Variants in CTNNA2 observed in about 807,000 individuals in gnomAD.
The protein encoded by CTNNA2 is catenin alpha-2.
A neutral mutation model predicts 101.0 loss-of-function variants in CTNNA2; 42 were observed. The observed-to-expected ratio is 0.42, with a 90% CI of 0.32 to 0.54. CTNNA2 has a LOEUF of 0.54. Ranked by LOEUF, CTNNA2 falls within the 20% of genes least tolerant of loss-of-function variation. The pLI, the probability that CTNNA2 is intolerant of heterozygous loss-of-function variation, is 0.14. For synonymous variants in CTNNA2, 450 were observed against 456.4 expected, an observed-to-expected ratio of 0.99 and a Z score of 0.18; for missense variants, 871 against 1,223.1, an observed-to-expected ratio of 0.71 and a Z score of 4.29.
intron 2 of CTNNA2, among the ~76,000 whole-genome samples, chr2:79,716,676 A>G (rs1488022927): frequency 6.6e-6 from 1 of 152,172 alleles, no homozygotes; most frequent in African/African-American, 2.4e-5. Context: ...AGGGAGCTCC[A>G]GGAGGGGTGT....
intron 2 of CTNNA2, among the ~76,000 whole-genome samples, chr2:79,272,208 A>T (rs78327825): frequency 0.016 from 2,398 of 152,048 alleles, 46 homozygotes; most frequent in East Asian, 0.061. Context: ...AAAATACAAC[A>T]CATTTGGCGG....
chr2:79,886,451 A>G (rs1558612954), intron 6 of CTNNA2, among the ~76,000 whole-genome samples: 1 of 151,944 alleles, frequency 6.6e-6, no homozygotes. Context: ...GTTACTGGTG[A>G]TCTAAAGAAG....
intron 6 of CTNNA2, among the ~76,000 whole-genome samples, chr2:79,881,448 T>C (rs1683417992): frequency 6.6e-6 from 1 of 152,030 alleles, no homozygotes; most frequent in Non-Finnish European, 1.5e-5. Flanking sequence ...AGAGACCTAT[T>C]AGTTTCTTTG....
chr2:79,416,810 C>G (rs1448883494), intron 4 of CTNNA2, among the ~76,000 whole-genome samples: 1 of 152,014 alleles, frequency 6.6e-6, no homozygotes, highest in African/African-American at 2.4e-5. Context: ...TTAGGCAGCT[C>G]AATTCCTCTT....
chr2:79,885,390 G>C (rs1357198242), intron 6 of CTNNA2, among the ~76,000 whole-genome samples: 1 of 152,118 alleles, frequency 6.6e-6, no homozygotes, highest in African/African-American at 2.4e-5. Context: ...TGTAAGCTCT[G>C]GTCCCTTAAG....
At chr2:80,613,103 G>T (rs1698597372) in intron 17 of CTNNA2, 1 of 151,382 alleles carries the variant, frequency 6.6e-6, no homozygotes, top group African/African-American at 2.4e-5. Flanking sequence ...AGAGTAAATG[G>T]CAGTAGTTCT....
intron 3 of CTNNA2, among the ~76,000 whole-genome samples, chr2:79,343,401 G>A (rs1263909516): frequency 6.6e-6 from 1 of 152,184 alleles, no homozygotes; most frequent in Non-Finnish European, 1.5e-5. Flanking sequence ...GAGCAATTCT[G>A]TAGGCTAGAC....
chr2:79,529,383 G>A (rs971823378), intron 1 of CTNNA2, among the ~76,000 whole-genome samples: 5 of 152,052 alleles, frequency 3.3e-5, no homozygotes, highest in Non-Finnish European at 7.3e-5. Context: ...TGTTGATGAT[G>A]TAAAATATGA....
At chr2:79,973,289 A>G (rs942239949) in intron 7 of CTNNA2, among the ~76,000 whole-genome samples, 4 of 152,294 alleles carry the variant, frequency 2.6e-5, no homozygotes, top group Middle Eastern at 3.4e-3. Context: ...AAAGCAGGGT[A>G]GGCATGCAGG....
intron 4 of CTNNA2, among the ~76,000 whole-genome samples, chr2:79,435,947 T>C (rs1454863587): frequency 6.6e-6 from 1 of 152,164 alleles, no homozygotes; most frequent in Non-Finnish European, 1.5e-5. Flanking sequence ...AGGGAGGGGA[T>C]GCAGCTGGAC....
chr2:79,575,688 A>G (rs539037108), intron 1 of CTNNA2: 1 of 152,284 alleles, frequency 6.6e-6, no homozygotes, highest in South Asian at 2.1e-4. Context: ...ACATCGCAAT[A>G]CTCATCACAA....
At chr2:80,436,749 G>C (rs1224263129) in intron 9 of CTNNA2, among the ~76,000 whole-genome samples, 5 of 152,088 alleles carry the variant, frequency 3.3e-5, no homozygotes, top group Admixed American at 3.3e-4. Flanking sequence ...TCATATGATG[G>C]AAGAGGCAAA....
intron 2 of CTNNA2, among the ~76,000 whole-genome samples, chr2:79,222,670 C>T (rs1339144361): frequency 6.6e-6 from 1 of 152,010 alleles, no homozygotes; most frequent in Non-Finnish European, 1.5e-5. Flanking sequence ...TCTTTTCTTC[C>T]TGTCTTCCTT....
At chr2:79,206,463 T>A (rs1674101836) in intron 2 of CTNNA2, among the ~76,000 whole-genome samples, 1 of 152,200 alleles carries the variant, frequency 6.6e-6, no homozygotes, top group Non-Finnish European at 1.5e-5. Context: ...AATCCCAGTG[T>A]GCTTTTTATG....
intron 6 of CTNNA2, among the ~76,000 whole-genome samples, chr2:79,890,685 C>A (rs1684236648): frequency 6.6e-6 from 1 of 151,338 alleles, no homozygotes; most frequent in South Asian, 2.1e-4. Flanking sequence ...TTAAGATAAT[C>A]TTTCACAAGT....
intron 1 of CTNNA2, among the ~76,000 whole-genome samples, chr2:79,187,422 T>G (rs565017048): frequency 2.6e-5 from 4 of 151,924 alleles, no homozygotes; most frequent in African/African-American, 9.6e-5. Context: ...CCTGCCTGAG[T>G]CTCCCAAGTA....
At chr2:79,248,229 G>C (rs1161121013) in intron 2 of CTNNA2, among the ~76,000 whole-genome samples, 1 of 152,022 alleles carries the variant, frequency 6.6e-6, no homozygotes, top group African/African-American at 2.4e-5. Flanking sequence ...GTCTTGACCG[G>C]TGCTATTCAT....
intron 7 of CTNNA2, chr2:80,028,204 C>T (rs1695064694): frequency 6.6e-6 from 1 of 152,086 alleles, no homozygotes; most frequent in Admixed American, 6.5e-5. Context: ...TCTGCTTTCC[C>T]TCCAGCTCTG....
At chr2:79,312,312 A>G (rs1676393153) in intron 2 of CTNNA2, among the ~76,000 whole-genome samples, 1 of 152,202 alleles carries the variant, frequency 6.6e-6, no homozygotes, top group African/African-American at 2.4e-5. Context: ...GCAGTTTCCA[A>G]TAACATAGTC....
Sources: gnomAD v4.1 joint callset for allele counts (sites outside exome capture counted in the v4.1 genomes callset) on GRCh38, gnomAD v4.1.1 for gene constraint, MANE v1.5 for transcripts, NCBI Gene and HGNC (gene_info 2026-07-23, HGNC 2026-07-21) for gene names.